ZUP1: variants seen among roughly 807,000 people sequenced by gnomAD.
The protein encoded by ZUP1 is zinc finger containing ubiquitin peptidase 1.
A neutral mutation model predicts 68.1 loss-of-function variants in ZUP1; 55 were observed. The observed-to-expected ratio is 0.81, with a 90% CI of 0.65 to 1.01. ZUP1 has a LOEUF of 1.01. ZUP1 is among the 50% of genes least tolerant of loss of function. The pLI is 0.00. For missense variants in ZUP1, 684 were observed against 674.9 expected (o/e 1.01, Z -0.15); for synonymous variants, 223 against 221.5 (o/e 1.01, Z -0.06).
intron 7 of ZUP1, among the ~76,000 whole-genome samples, chr6:116,650,316 G>A (rs1776445305): frequency 6.6e-6 from 1 of 151,432 alleles, no homozygotes; most frequent in Non-Finnish European, 1.5e-5. Flanking sequence ...CAGCTACTAG[G>A]GAGGCTGAGG....
chr6:116,658,878 C>G lies in ZUP1; in HGVS notation c.717G>C (p.Gln239His). The change falls in exon 4 of 10, where the codon CAG becomes CAC. Residue 239 changes from glutamine to histidine, a missense_variant. Transcript: ENST00000368576. ...TCTTTCTGTCTTCTTCTTGCTGAAG[C>G]TGGTGAGCCAATTGTAGATCACCAG... ...QCSGDLQLAH[Q>H]LQQEEDRKRR... 1 of 1,612,276 alleles carries G rather than the reference C, an allele frequency of 6.2e-7. No individual in the cohort carries two copies. Among genetic ancestry groups the G allele is most frequent in the Non-Finnish European group, 8.5e-7 (1 of 1,179,446 alleles).
intron 7 of ZUP1, among the ~76,000 whole-genome samples, chr6:116,650,396 T>A (rs1395303963): frequency 2.6e-5 from 3 of 115,946 alleles, no homozygotes; most frequent in Non-Finnish European, 4.8e-5. Flanking sequence ...CACTCCAGCC[T>A]GGGCAACACA....
intron 8 of ZUP1, 52 bp from the exon 9 acceptor site, chr6:116,645,986 C>A: frequency 7.8e-7 from 1 of 1,288,998 alleles, no homozygotes; most frequent in Admixed American, 1.9e-5. Context: ...TACAGTTATA[C>A]AAATAGTCTC....
chr6:116,667,173 C>T lies in ZUP1; in HGVS notation c.20G>A (p.Cys7Tyr). MLSCNI[C>Y]GETVTSEPDM... The stretch of plus-strand genomic sequence containing the variant: ...TGGTTCTGAGGTTACTGTTTCACCA[C>T]AAATATTACAGGAAAGCATGGTATT... Residue 7 changes from cysteine (C) to tyrosine (Y), a missense_variant, in exon 2 of 10, where the codon TGT becomes TAT. Physicochemically the swap from Cys to Tyr is radical, Grantham distance 194. Transcript: ENST00000368576. The T allele has an allele frequency of 6.3e-7, 1 of 1,585,628 alleles. No homozygotes were observed. Among genetic ancestry groups the T allele is most frequent in the Non-Finnish European group, 8.6e-7 (1 of 1,165,510 alleles).
chr6:116,660,608 A>G, intron 3 of ZUP1, 128 bp downstream of exon 3: 1 of 577,100 alleles, frequency 1.7e-6, no homozygotes, highest in Non-Finnish European at 3.0e-6. Context: ...CAACTTGTAA[A>G]TAAAACACTT....
At chr6:116,667,921 C>T (rs1316828968) in intron 1 of ZUP1, among the ~76,000 whole-genome samples, 2 of 152,106 alleles carry the variant, frequency 1.3e-5, no homozygotes, top group African/African-American at 4.8e-5. Context: ...TCTCATCTCT[C>T]TGAGGTTCAG....
At chr6:116,651,881 A>T in intron 6 of ZUP1, 123 bp downstream of exon 6, 1 of 1,406,466 alleles carries the variant, frequency 7.1e-7, no homozygotes, top group East Asian at 2.4e-5. Context: ...TCCTCTAACC[A>T]GAATTCAGGT....
intron 5 of ZUP1, among the ~76,000 whole-genome samples, chr6:116,655,059 G>A (rs924304950): frequency 1.3e-5 from 2 of 151,450 alleles, no homozygotes; most frequent in African/African-American, 4.9e-5. Context: ...AAAACTGGAA[G>A]CAATCTAAAT....
At chr6:116,636,409 G>A (rs1464177171) in intron 9 of ZUP1, among the ~76,000 whole-genome samples, 4 of 151,998 alleles carry the variant, frequency 2.6e-5, no homozygotes, top group Non-Finnish European at 5.9e-5. Context: ...ATATAGTGGG[G>A]TAACTTTAAA....
At chr6:116,640,575 A>G (rs2115379857) in intron 9 of ZUP1, among the ~76,000 whole-genome samples, 1 of 152,224 alleles carries the variant, frequency 6.6e-6, no homozygotes, top group Non-Finnish European at 1.5e-5. Context: ...AGAATTTCAT[A>G]TCCAGCCAAA....
intron 5 of ZUP1, 58 bp downstream of exon 5, chr6:116,656,623 GATT>G: frequency 7.6e-7 from 1 of 1,308,226 alleles, no homozygotes; most frequent in Admixed American, 2.7e-5. Flanking sequence ...AAATGATTCT[GATT>G]ATTACTTCAG....
At chr6:116,655,603 G>C (rs1562407359) in intron 5 of ZUP1, among the ~76,000 whole-genome samples, 1 of 152,120 alleles carries the variant, frequency 6.6e-6, no homozygotes, top group Non-Finnish European at 1.5e-5. Context: ...TCCATAAAAA[G>C]TCTGTTAATA....
intron 2 of ZUP1, among the ~76,000 whole-genome samples, chr6:116,665,212 G>A (rs553224642): frequency 1.3e-5 from 2 of 151,808 alleles, no homozygotes; most frequent in South Asian, 4.2e-4. Context: ...TCATAATAGA[G>A]GAAATTAAAA....
At chr6:116,648,998 A>G (rs898711050) in intron 7 of ZUP1, among the ~76,000 whole-genome samples, 1 of 151,844 alleles carries the variant, frequency 6.6e-6, no homozygotes, top group Non-Finnish European at 1.5e-5. Context: ...GAAAAAGAAA[A>G]AGAAAAAAAT....
chr6:116,658,951 TA>T, intron 3 of ZUP1, 27 bp from the exon 4 acceptor site: 1 of 1,565,580 alleles, frequency 6.4e-7, no homozygotes. Flanking sequence ...ATGTTCAGAA[TA>T]AAATAACTGT....
Position 116,645,855 on chromosome 6 carries a change from AG to A in ZUP1, c.1547del (p.Pro516LeufsTer9). The A allele has an allele frequency of 6.2e-7, 1 of 1,613,924 alleles. No individual in the cohort carries two copies. The highest frequency in any genetic ancestry group is 8.5e-7 in the Non-Finnish European group (1 of 1,179,914). ...TTAATAATTTCTGCATTTCTCGAGAAGGACATCCAGGATCAAGTATTAGTAA... is the reference window on the plus strand; with the variant it reads ...TTAATAATTTCTGCATTTCTCGAGAAGACATCCAGGATCAAGTATTAGTAA... Reference protein sequence around the residue: ...LCLLILDPGCPSREMQKLLKQ... With the variant: ...LCLLILDPGCXSREMQKLLKQ... On this transcript the variant is annotated frameshift_variant, in exon 9 of 10. Coordinates refer to ENST00000368576, the MANE Select transcript of ZUP1 (RefSeq NM_145062.3). LOFTEE classifies it high-confidence loss of function.
At chr6:116,636,820 T>C (rs1032873413) in intron 9 of ZUP1, among the ~76,000 whole-genome samples, 2 of 152,110 alleles carry the variant, frequency 1.3e-5, no homozygotes, top group Non-Finnish European at 2.9e-5. Flanking sequence ...ATTTAAAAAA[T>C]TGTAGTTATT....
intron 7 of ZUP1, among the ~76,000 whole-genome samples, chr6:116,648,633 T>G (rs935678377): frequency 6.6e-6 from 1 of 152,052 alleles, no homozygotes; most frequent in Non-Finnish European, 1.5e-5. Flanking sequence ...ATAAAAAAGC[T>G]TTCTAAATTA....
At chr6:116,659,702 CA>C (rs1455664433) in intron 3 of ZUP1, among the ~76,000 whole-genome samples, 2 of 152,038 alleles carry the variant, frequency 1.3e-5, no homozygotes, top group Non-Finnish European at 2.9e-5. Context: ...GTTTGGCCCC[CA>C]AAAATGGTAA....
Sources: allele counts gnomAD v4.1 joint callset (sites outside exome capture counted in the v4.1 genomes callset), GRCh38; gene constraint gnomAD v4.1.1; transcripts MANE v1.5; gene names NCBI Gene and HGNC (gene_info 2026-07-23, HGNC 2026-07-21).